Variants in SLC4A10 observed in about 807,000 individuals in gnomAD.
SLC4A10 encodes the protein solute carrier family 4 member 10, also known as sodium-driven chloride bicarbonate exchanger.
In SLC4A10, 42 loss-of-function variants were observed where a neutral mutation model predicts 137.7. The observed-to-expected ratio is 0.30, with a 90% CI of 0.24 to 0.39. The LOEUF is 0.39. Among genes scored for constraint, SLC4A10 ranks in the 10% least tolerant of loss-of-function variants. SLC4A10 has a pLI of 1.00. For synonymous variants in SLC4A10, 474 were observed against 464.1 expected (o/e 1.02, Z -0.27); for missense variants, 925 against 1,355.0 (o/e 0.68, Z 4.98).
chr2:161,719,066 A>G (rs2045308120), intron 1 of SLC4A10, among the ~76,000 whole-genome samples: 1 of 150,372 alleles, frequency 6.7e-6, no homozygotes, highest in Non-Finnish European at 1.5e-5. Flanking sequence ...CCCTCACCCC[A>G]CAACAGTCCC....
intron 1 of SLC4A10, among the ~76,000 whole-genome samples, chr2:161,704,324 A>G (rs2043427028): frequency 6.6e-6 from 1 of 151,712 alleles, no homozygotes; most frequent in Admixed American, 6.6e-5. Flanking sequence ...CACATAATAA[A>G]TAATATGCAA....
intron 1 of SLC4A10, among the ~76,000 whole-genome samples, chr2:161,745,236 T>C (rs1236624417): frequency 6.6e-6 from 1 of 152,116 alleles, no homozygotes; most frequent in Admixed American, 6.6e-5. Context: ...GTAGGTGTGC[T>C]TCATTATTTT....
At chr2:161,846,565 C>G (rs868656597) in intron 4 of SLC4A10, among the ~76,000 whole-genome samples, 2 of 152,154 alleles carry the variant, frequency 1.3e-5, no homozygotes, top group African/African-American at 4.8e-5. Context: ...AACCTGCAAA[C>G]AACCTGAATG....
At chr2:161,915,439 A>G (rs1247943309) in intron 15 of SLC4A10, among the ~76,000 whole-genome samples, 1 of 152,186 alleles carries the variant, frequency 6.6e-6, no homozygotes, top group Non-Finnish European at 1.5e-5. Flanking sequence ...TTTGTGCCTG[A>G]TAACTCAAAA....
intron 1 of SLC4A10, among the ~76,000 whole-genome samples, chr2:161,701,681 T>A (rs1452054480): frequency 6.6e-6 from 1 of 151,898 alleles, no homozygotes; most frequent in Non-Finnish European, 1.5e-5. Context: ...ATTCCTTCTA[T>A]CTAATTTTAT....
intron 1 of SLC4A10, among the ~76,000 whole-genome samples, chr2:161,744,096 C>T (rs1445103847): frequency 6.6e-6 from 1 of 151,984 alleles, no homozygotes; most frequent in Non-Finnish European, 1.5e-5. Flanking sequence ...CTATTTATTC[C>T]TTTCCAATTT....
At chr2:161,834,133 G>T (rs541492677) in intron 3 of SLC4A10, among the ~76,000 whole-genome samples, 1 of 152,302 alleles carries the variant, frequency 6.6e-6, no homozygotes, top group African/African-American at 2.4e-5. Context: ...TCCAGCTAAA[G>T]GGAGGCCTCA....
intron 11 of SLC4A10, among the ~76,000 whole-genome samples, chr2:161,898,725 G>A (rs2063772076): frequency 6.6e-6 from 1 of 151,986 alleles, no homozygotes; most frequent in African/African-American, 2.4e-5. Flanking sequence ...CTTCTCTCAT[G>A]TCGTGTACTT....
At chr2:161,692,709 T>C (rs1164759962) in intron 1 of SLC4A10, among the ~76,000 whole-genome samples, 1 of 152,088 alleles carries the variant, frequency 6.6e-6, no homozygotes, top group East Asian at 1.9e-4. Flanking sequence ...ATGTAGGGCA[T>C]TGAGCACTCG....
chr2:161,776,073 G>A (rs1479553844), intron 2 of SLC4A10, among the ~76,000 whole-genome samples: 1 of 151,826 alleles, frequency 6.6e-6, no homozygotes, highest in Non-Finnish European at 1.5e-5. Flanking sequence ...TATCTTAAAC[G>A]TTAGCTGAAA....
chr2:161,835,039 CTTT>C (rs5835884), intron 3 of SLC4A10, among the ~76,000 whole-genome samples: 164 of 135,186 alleles, frequency 1.2e-3, no homozygotes, highest in East Asian at 3.3e-3. Flanking sequence ...GACTATATGT[CTTT>C]TTTTTTTTTT....
intron 2 of SLC4A10, among the ~76,000 whole-genome samples, chr2:161,798,324 C>T (rs1319010659): frequency 6.6e-6 from 1 of 151,896 alleles, no homozygotes; most frequent in African/African-American, 2.4e-5. Flanking sequence ...ATATTCATTT[C>T]ATGTAAAAAG....
intron 3 of SLC4A10, among the ~76,000 whole-genome samples, chr2:161,828,801 TA>T (rs1559342992): frequency 4.0e-4 from 49 of 123,996 alleles, no homozygotes; most frequent in African/African-American, 1.2e-3. Flanking sequence ...TATATATATA[TA>T]TATATATGTA....
chr2:161,640,603 T>C (rs925636734), intron 1 of SLC4A10, among the ~76,000 whole-genome samples: 15 of 117,964 alleles, frequency 1.3e-4, no homozygotes, highest in African/African-American at 5.1e-4. Flanking sequence ...TTTCCTTCCT[T>C]CCTTCCTTCC....
chr2:161,871,635 A>G (rs1448339839), intron 6 of SLC4A10, among the ~76,000 whole-genome samples: 1 of 152,100 alleles, frequency 6.6e-6, no homozygotes, highest in African/African-American at 2.4e-5. Flanking sequence ...CAAAACTAAT[A>G]CAATTCAAGT....
In SLC4A10 at chr2:161,983,713, A is replaced by C. The variant is rs1363236677; in HGVS notation, c.*561A>C. ...AAAAGTTAGTTTGAAAGCATTTTTT[A>C]ATAATTGTATTTATGCATTTCCTTG... On this transcript the variant is annotated 3_prime_UTR_variant, in exon 27 of 27. Transcript: ENST00000446997. 1 of 152,572 alleles carries C rather than the reference A, an allele frequency of 6.6e-6. No homozygotes were observed. Among genetic ancestry groups the C allele is most frequent in the Non-Finnish European group, 1.5e-5 (1 of 68,326 alleles). The allele number at this position is 152,572 out of a possible 1,614,324, so 9.5% of individuals were successfully genotyped here.
At chr2:161,926,361 T>G (rs376402185) in intron 15 of SLC4A10, among the ~76,000 whole-genome samples, 3 of 133,522 alleles carry the variant, frequency 2.2e-5, no homozygotes, top group South Asian at 2.6e-4. Context: ...TCAGAGACTA[T>G]GATTGCAACC....
chr2:161,754,328 C>A (rs1654867037), intron 1 of SLC4A10, among the ~76,000 whole-genome samples: 1 of 152,074 alleles, frequency 6.6e-6, no homozygotes, highest in Admixed American at 6.6e-5. Flanking sequence ...GAACATAACA[C>A]TTTTTAAAAT....
At chr2:161,877,057 A>G (rs1454601114) in intron 8 of SLC4A10, among the ~76,000 whole-genome samples, 6 of 152,182 alleles carry the variant, frequency 3.9e-5, no homozygotes, top group African/African-American at 4.8e-5. Flanking sequence ...TTTAAAGATC[A>G]TATGTAATGA....
Sources: allele counts gnomAD v4.1 joint callset (sites outside exome capture counted in the v4.1 genomes callset), GRCh38; gene constraint gnomAD v4.1.1; transcripts MANE v1.5; gene names NCBI Gene and HGNC (gene_info 2026-07-23, HGNC 2026-07-21).